CSMD1: variants seen among roughly 807,000 people sequenced by gnomAD.
CSMD1 encodes CUB and sushi domain-containing protein 1.
A neutral mutation model predicts 417.5 loss-of-function variants in CSMD1; 213 were observed. The ratio of observed to expected loss-of-function variants is 0.51; its 90% CI spans 0.46 to 0.57. CSMD1 has a LOEUF of 0.57. CSMD1 is among the 20% of genes least tolerant of loss of function. The pLI, the probability that CSMD1 is intolerant of heterozygous loss-of-function variation, is 0.00. For synonymous variants in CSMD1, 2,862 were observed against 1,736.8 expected (o/e 1.65, Z -16.11); for missense variants, 6,923 against 4,529.7 (o/e 1.53, Z -15.17).
chr8:4,216,747 T>G (rs1800697513), intron 3 of CSMD1, among the ~76,000 whole-genome samples: 1 of 152,126 alleles, frequency 6.6e-6, no homozygotes. Context: ...TTTAAGACCT[T>G]TAAAATTACC....
chr8:3,058,560 G>A (rs537199976), intron 49 of CSMD1, among the ~76,000 whole-genome samples: 2 of 152,114 alleles, frequency 1.3e-5, no homozygotes, highest in African/African-American at 2.4e-5. Flanking sequence ...CACAGTTGTC[G>A]ATTTACCATG....
chr8:3,827,052 C>T (rs1484530426), intron 5 of CSMD1, among the ~76,000 whole-genome samples: 1 of 152,114 alleles, frequency 6.6e-6, no homozygotes, highest in East Asian at 1.9e-4. Context: ...GAAGTGTTGA[C>T]ATTATAGGCA....
intron 12 of CSMD1, among the ~76,000 whole-genome samples, chr8:3,418,165 T>A (rs535310569): frequency 6.6e-6 from 1 of 152,296 alleles, no homozygotes; most frequent in African/African-American, 2.4e-5. Flanking sequence ...AAAGGTGTAG[T>A]CAAAAGCTAA....
At chr8:4,282,565 A>G (rs1329575406) in intron 3 of CSMD1, among the ~76,000 whole-genome samples, 1 of 152,218 alleles carries the variant, frequency 6.6e-6, no homozygotes, top group Admixed American at 6.5e-5. Flanking sequence ...CAGCACCATA[A>G]AATTATCTTA....
At chr8:4,497,796 G>A (rs1386216370) in intron 2 of CSMD1, among the ~76,000 whole-genome samples, 1 of 152,204 alleles carries the variant, frequency 6.6e-6, no homozygotes, top group Non-Finnish European at 1.5e-5. Flanking sequence ...TTAGCAGAAA[G>A]ATTGGTAGCA....
chr8:4,033,681 G>C (rs968392535), intron 3 of CSMD1, among the ~76,000 whole-genome samples: 1 of 152,164 alleles, frequency 6.6e-6, no homozygotes, highest in Non-Finnish European at 1.5e-5. Flanking sequence ...ATTTGGCTCA[G>C]AATAAATCTC....
chr8:3,079,960 T>C (rs1003917189), intron 49 of CSMD1, among the ~76,000 whole-genome samples: 33 of 152,216 alleles, frequency 2.2e-4, no homozygotes, highest in African/African-American at 8.0e-4. Context: ...AAGCAGAATA[T>C]AGGCAGCTAT....
Position 4,096,551 on chromosome 8 carries a change from C to T in CSMD1, c.416-64452G>A, listed in dbSNP as rs79962034. Among the ~76,000 whole-genome samples, 7 of 150,252 alleles carry T rather than the reference C, an allele frequency of 4.7e-5. No homozygotes were observed. The East Asian group carries it at 9.7e-4, about 21-fold the overall frequency. ...CTGAGAATGTTAAATCCTTTCTTAA[C>T]GATTGATAATGCACGCCACTAAGGA... On this transcript the variant is annotated intron_variant, in intron 3 of 69. Transcript: ENST00000635120.
intron 7 of CSMD1, among the ~76,000 whole-genome samples, chr8:3,651,769 C>T (rs538441085): frequency 2.3e-4 from 35 of 151,840 alleles, no homozygotes; most frequent in South Asian, 8.4e-4. Context: ...ACCAACAGAG[C>T]GCCTACCACC....
intron 2 of CSMD1, among the ~76,000 whole-genome samples, chr8:4,582,727 G>A (rs1351649435): frequency 1.3e-5 from 2 of 152,220 alleles, no homozygotes; most frequent in Non-Finnish European, 2.9e-5. Flanking sequence ...CACTTTGGTG[G>A]CACTTGAGGA....
intron 25 of CSMD1, among the ~76,000 whole-genome samples, chr8:3,306,771 T>C (rs1390419756): frequency 6.6e-6 from 1 of 152,080 alleles, no homozygotes; most frequent in African/African-American, 2.4e-5. Context: ...TAAAATTACC[T>C]TTTGCCTTAT....
intron 2 of CSMD1, among the ~76,000 whole-genome samples, chr8:4,545,852 C>A (rs1797606268): frequency 1.3e-5 from 2 of 152,328 alleles, no homozygotes; most frequent in South Asian, 2.1e-4. Flanking sequence ...CTAGGAAGAT[C>A]ATTTCATCAG....
At chr8:3,911,898 C>T (rs572335225) in intron 5 of CSMD1, among the ~76,000 whole-genome samples, 24 of 152,298 alleles carry the variant, frequency 1.6e-4, no homozygotes, top group Non-Finnish European at 3.2e-4. Context: ...TATCTTTTCT[C>T]ACCATCATTT....
intron 1 of CSMD1, among the ~76,000 whole-genome samples, chr8:4,845,442 A>C (rs2116802188): frequency 6.6e-6 from 1 of 152,320 alleles, no homozygotes; most frequent in South Asian, 2.1e-4. Context: ...ACCAATAATC[A>C]ACCAAAAATC....
At chr8:3,264,736 T>G (rs968190440) in intron 26 of CSMD1, among the ~76,000 whole-genome samples, 1 of 152,102 alleles carries the variant, frequency 6.6e-6, no homozygotes. Context: ...GCTAATAGAG[T>G]TTAATCTACA....
chr8:3,112,471 A>G (rs905127535), intron 42 of CSMD1, among the ~76,000 whole-genome samples: 2 of 152,222 alleles, frequency 1.3e-5, no homozygotes, highest in Non-Finnish European at 2.9e-5. Context: ...TTTTCTTGGT[A>G]GAACACATTC....
intron 3 of CSMD1, among the ~76,000 whole-genome samples, chr8:4,143,270 A>G (rs1441538006): frequency 1.3e-5 from 2 of 151,058 alleles, no homozygotes; most frequent in Non-Finnish European, 2.9e-5. Flanking sequence ...TTTGTCCTCA[A>G]AGAAATTTCT....
At chr8:3,399,556 A>G in intron 15 of CSMD1, 27 bp from the exon 16 acceptor site, 1 of 1,538,902 alleles carries the variant, frequency 6.5e-7, no homozygotes, top group Non-Finnish European at 8.8e-7. Context: ...AATATCTATT[A>G]GATCCAATGA....
chr8:3,565,290 G>A (rs764883677), intron 10 of CSMD1, among the ~76,000 whole-genome samples: 37 of 151,844 alleles, frequency 2.4e-4, no homozygotes, highest in Non-Finnish European at 4.7e-4. Flanking sequence ...TTGGCCAGGC[G>A]TCCTCCTTTC....
Sources: gnomAD v4.1 joint callset for allele counts (sites outside exome capture counted in the v4.1 genomes callset) on GRCh38, gnomAD v4.1.1 for gene constraint, MANE v1.5 for transcripts, NCBI Gene and HGNC (gene_info 2026-07-23, HGNC 2026-07-21) for gene names.